The following APP variants were observed in gnomAD, a reference collection of about 807,000 sequenced individuals.
APP encodes the protein amyloid-beta precursor protein.
Under a neutral mutation model 101.4 loss-of-function variants are expected in APP, and 31 were observed. That is an observed-to-expected ratio of 0.31 (90% CI 0.23 to 0.41). APP has a LOEUF of 0.41. APP is among the 10% of genes least tolerant of loss of function. APP has a pLI of 1.00. For missense variants in APP, 839 were observed against 1,003.7 expected (o/e 0.84, Z 2.22); for synonymous variants, 366 against 364.4 (o/e 1.00, Z -0.05).
At chr21:26,032,129 A>T (rs934796740) in intron 5 of APP, among the ~76,000 whole-genome samples, 1 of 152,180 alleles carries the variant, frequency 6.6e-6, no homozygotes, top group African/African-American at 2.4e-5. Flanking sequence ...TGGAGAGGTA[A>T]GACTTTTAGT....
At chr21:25,956,195 G>A (rs1345497444) in intron 11 of APP, among the ~76,000 whole-genome samples, 2 of 152,284 alleles carry the variant, frequency 1.3e-5, no homozygotes, top group South Asian at 2.1e-4. Context: ...TGTAACATAC[G>A]AAATCAAAAT....
intron 3 of APP, among the ~76,000 whole-genome samples, chr21:26,055,960 G>A (rs565945984): frequency 2.6e-5 from 4 of 152,270 alleles, no homozygotes; most frequent in East Asian, 3.9e-4. Context: ...ATCTGCTGAC[G>A]ACTAGATTAT....
At chr21:25,909,748 T>C (rs548182286) in intron 14 of APP, among the ~76,000 whole-genome samples, 3 of 152,326 alleles carry the variant, frequency 2.0e-5, no homozygotes, top group African/African-American at 7.2e-5. Context: ...GAAGAGGACC[T>C]TCAATGACCA....
At chr21:26,154,782 G>C (rs887862255) in intron 1 of APP, among the ~76,000 whole-genome samples, 3 of 152,162 alleles carry the variant, frequency 2.0e-5, no homozygotes, top group African/African-American at 7.2e-5. Flanking sequence ...CATCTGTAAA[G>C]TGGAGAAGCT....
rs2036966583 is a variant in APP, at chr21:25,881,255, C to A, written c.*415G>T. On this transcript the variant is annotated 3_prime_UTR_variant, in exon 18 of 18. Coordinates refer to ENST00000346798, the MANE Select transcript of APP (RefSeq NM_000484.4). ...CTTAGGCAAGAGAAGCAGCTGAACT[C>A]CCACGTTCACATGAAGCATCCCCCA... The A allele has an allele frequency of 3.9e-6, 1 of 253,732 alleles. No homozygotes were observed. The highest frequency in any genetic ancestry group is 1.0e-4 in the East Asian group (1 of 9,956). 15.7% of individuals were successfully genotyped at this position (253,732 alleles called of 1,614,324 possible). A position where few individuals can be genotyped will look rare whatever the true frequency, so the allele number is the denominator to read the frequency against.
chr21:25,945,314 T>C (rs553133275), intron 13 of APP, among the ~76,000 whole-genome samples: 1 of 150,056 alleles, frequency 6.7e-6, no homozygotes, highest in Non-Finnish European at 1.5e-5. Flanking sequence ...AAGTGTTGTT[T>C]AAAACCTCAT....
intron 3 of APP, among the ~76,000 whole-genome samples, chr21:26,073,043 T>C (rs1043390737): frequency 9.9e-5 from 15 of 152,070 alleles, no homozygotes; most frequent in Admixed American, 3.9e-4. Context: ...AACCAGTAAA[T>C]AGTATGTATG....
chr21:26,100,372 C>T (rs2062029585), intron 2 of APP, among the ~76,000 whole-genome samples: 1 of 152,168 alleles, frequency 6.6e-6, no homozygotes, highest in Non-Finnish European at 1.5e-5. Flanking sequence ...AATTCCAAAA[C>T]CACAATGTAT....
intron 6 of APP, among the ~76,000 whole-genome samples, chr21:26,000,799 T>A (rs954319728): frequency 6.6e-6 from 1 of 151,958 alleles, no homozygotes; most frequent in South Asian, 2.1e-4. Flanking sequence ...TGTACTAATA[T>A]AAATGGTCTT....
chr21:26,004,369 G>A (rs575732406), intron 6 of APP, among the ~76,000 whole-genome samples: 1 of 136,722 alleles, frequency 7.3e-6, no homozygotes, highest in African/African-American at 2.7e-5. Flanking sequence ...TGCAGGCTTC[G>A]CCAAGCTCCG....
At chr21:26,143,710 C>G (rs1013182542) in intron 1 of APP, among the ~76,000 whole-genome samples, 5 of 152,332 alleles carry the variant, frequency 3.3e-5, no homozygotes, top group Non-Finnish European at 5.9e-5. Flanking sequence ...TCACTTCCCC[C>G]ACATCCAAAC....
chr21:25,979,111 A>ATAGCAACAAAAATCTACAGGTT (rs1430111027), intron 9 of APP, among the ~76,000 whole-genome samples: 1 of 152,190 alleles, frequency 6.6e-6, no homozygotes, highest in African/African-American at 2.4e-5. Context: ...GTCACGACAT[A>ATAGCAACAAAAATCTACAGGTT]TAGCAACAAA....
Position 26,123,368 on chromosome 21 carries a change from T to C in APP, c.58-11222A>G, listed in dbSNP as rs553736557. Among the ~76,000 whole-genome samples, 372 of 152,340 alleles carry C rather than the reference T, an allele frequency of 2.4e-3. 1 individual carries two copies. Among genetic ancestry groups the C allele is most frequent in the Middle Eastern group, 6.8e-3 (2 of 294 alleles). ...CTTGACATAAAAACCCAAGATAATT[T>C]TCAAACAGCATTCTTGTTCATTGTT... On this transcript the variant is annotated intron_variant, in intron 1 of 17. Coordinates refer to ENST00000346798, the MANE Select transcript of APP (RefSeq NM_000484.4).
rs141978468 is a variant in APP at position 25,906,764 on chromosome 21, C to CT, written c.1910-1688dup. Among the ~76,000 whole-genome samples the CT allele has an allele frequency of 1.8e-3, 272 of 152,136 alleles. 5 individuals are homozygous for CT. The East Asian group carries it at 0.041, about 23-fold the overall frequency. ...GGTCATTGTACTTTGTGAGAATTTC[C>CT]TGATGATGAGGGACCCAATAGTGCT... On this transcript the variant is annotated intron_variant, in intron 14 of 17. Transcript: ENST00000346798.
chr21:26,126,062 C>T (rs2062676287), intron 1 of APP, among the ~76,000 whole-genome samples: 1 of 152,172 alleles, frequency 6.6e-6, no homozygotes, highest in Admixed American at 6.5e-5. Flanking sequence ...AGGGGTATTG[C>T]ACTGTGTGGG....
intron 1 of APP, among the ~76,000 whole-genome samples, chr21:26,129,096 A>G (rs141922426): frequency 6.6e-6 from 1 of 152,302 alleles, no homozygotes; most frequent in Non-Finnish European, 1.5e-5. Context: ...GGCCTAAAAT[A>G]TTTCAGAAGC....
intron 6 of APP, among the ~76,000 whole-genome samples, chr21:26,010,213 C>CA (rs74265002): frequency 0.031 from 2,502 of 79,976 alleles, 29 homozygotes; most frequent in African/African-American, 0.051. Context: ...TCCTTTTGAA[C>CA]AAAAAAAAAA....
intron 5 of APP, among the ~76,000 whole-genome samples, chr21:26,025,879 C>A (rs1287711344): frequency 2.0e-5 from 3 of 152,206 alleles, no homozygotes; most frequent in Admixed American, 6.5e-5. Flanking sequence ...TTCATTTGGA[C>A]ACTATTTAAA....
intron 2 of APP, among the ~76,000 whole-genome samples, chr21:26,104,250 A>G (rs1045599470): frequency 2.0e-5 from 3 of 152,174 alleles, no homozygotes; most frequent in African/African-American, 4.8e-5. Flanking sequence ...TAGGGTTTCA[A>G]TATCTAAATT....
Sources: allele counts gnomAD v4.1 joint callset (sites outside exome capture counted in the v4.1 genomes callset), GRCh38; gene constraint gnomAD v4.1.1; transcripts MANE v1.5; gene names NCBI Gene and HGNC (gene_info 2026-07-23, HGNC 2026-07-21).